FARP1: variants seen among roughly 807,000 people sequenced by gnomAD.
FARP1 encodes the protein FERM, ARH/RhoGEF and pleckstrin domain protein 1, also known as FERM, ARHGEF and pleckstrin domain-containing protein 1.
Under a neutral mutation model 128.8 loss-of-function variants are expected in FARP1, and 52 were observed. The observed-to-expected ratio is 0.40, with a 90% CI of 0.32 to 0.51. FARP1 has a LOEUF of 0.51. FARP1 is among the 20% of genes least tolerant of loss of function. FARP1 has a pLI of 0.45. For synonymous variants in FARP1, 580 were observed against 551.8 expected (o/e 1.05, Z -0.72); for missense variants, 1,333 against 1,367.9 (o/e 0.97, Z 0.40).
At chr13:98,430,560 A>G (rs572039973) in intron 17 of FARP1, among the ~76,000 whole-genome samples, 27 of 152,354 alleles carry the variant, frequency 1.8e-4, no homozygotes, top group African/African-American at 6.5e-4. Flanking sequence ...GACCTAGCAG[A>G]GGAGGGGCTC....
chr13:98,271,943 T>C (rs1884410374), intron 2 of FARP1, among the ~76,000 whole-genome samples: 1 of 152,192 alleles, frequency 6.6e-6, no homozygotes, highest in Admixed American at 6.5e-5. Context: ...TCCTTTGGGT[T>C]TATACCCAGT....
chr13:98,353,456 G>C (rs544459594), intron 3 of FARP1, among the ~76,000 whole-genome samples: 26 of 152,310 alleles, frequency 1.7e-4, no homozygotes, highest in Admixed American at 1.7e-3. Context: ...TCGGCTCACT[G>C]CAACCTCCGC....
rs532924889 is a variant in FARP1 at position 98,312,180 on chromosome 13, G to A, written c.172-31582G>A. 4.6e-3 allele frequency among the ~76,000 whole-genome samples: 556 copies of A among 120,590 alleles called. 7 individuals carry two copies. Among genetic ancestry groups the A allele is most frequent in the African/African-American group, 0.016 (494 of 30,204 alleles). The allele number at this position is 120,590 out of a possible 152,430, so 79.1% of individuals were successfully genotyped here. ...CTTTGAGACGGAGTCTCGCTCTGTC[G>A]CCCAGGCTGGAGTGGAGTGGCGTGA... On this transcript the variant is annotated intron_variant, in intron 2 of 26. Coordinates refer to ENST00000319562, the MANE Select transcript of FARP1 (RefSeq NM_005766.4).
At chr13:98,335,828 GA>G (rs1383070838) in intron 2 of FARP1, among the ~76,000 whole-genome samples, 1 of 152,196 alleles carries the variant, frequency 6.6e-6, no homozygotes, top group Non-Finnish European at 1.5e-5. Context: ...ACAATATTCT[GA>G]TAGGTATCAG....
intron 7 of FARP1, among the ~76,000 whole-genome samples, chr13:98,385,226 T>G (rs1890049665): frequency 6.6e-6 from 1 of 152,240 alleles, no homozygotes; most frequent in African/African-American, 2.4e-5. Context: ...ATTAATATTT[T>G]CAAAGGACTC....
chr13:98,342,191 G>A (rs1888001184), intron 2 of FARP1, among the ~76,000 whole-genome samples: 1 of 152,204 alleles, frequency 6.6e-6, no homozygotes, highest in South Asian at 2.1e-4. Context: ...TGTCATATTT[G>A]TGGACAAGGA....
At chr13:98,256,952 T>TGG (rs1883633629) in intron 2 of FARP1, among the ~76,000 whole-genome samples, 63 of 31,890 alleles carry the variant, frequency 2.0e-3, no homozygotes, top group Admixed American at 3.7e-3. Context: ...TATGTGGATA[T>TGG]ATATATATAT....
chr13:98,455,057 G>C lies in FARP1; in HGVS notation c.*6740G>C, dbSNP rs1893388230. 1 of 152,222 alleles carries C rather than the reference G, an allele frequency of 6.6e-6. No individual in the cohort carries two copies. Among genetic ancestry groups the C allele is most frequent in the South Asian group, 2.1e-4 (1 of 4,832 alleles). 9.4% of individuals were successfully genotyped at this position (152,222 alleles called of 1,614,324 possible). On this transcript the variant is annotated 3_prime_UTR_variant, in exon 27 of 27. Transcript: ENST00000319562. The stretch of plus-strand genomic sequence containing the variant: ...AAATGTGCTGCGTCTGAATGGAGAT[G>C]TGCTAAGTGTAAAACACACACCAAC...
intron 13 of FARP1, chr13:98,396,433 C>T: frequency 2.5e-6 from 1 of 398,464 alleles, no homozygotes; most frequent in East Asian, 3.6e-5. Flanking sequence ...CTTGGGTGGC[C>T]TGCGTTTGAG....
At chr13:98,437,586 A>AT (rs1892326110) in intron 19 of FARP1, among the ~76,000 whole-genome samples, 1 of 152,034 alleles carries the variant, frequency 6.6e-6, no homozygotes, top group African/African-American at 2.4e-5. Context: ...GTGCAGGGTG[A>AT]TAACGCCGCG....
In FARP1 at chr13:98,440,219, C is replaced by T. The variant is rs1892467578; in HGVS notation, c.2613C>T (p.Ser871=). Residue 871 remains serine (S), a synonymous_variant, in exon 23 of 27, where the codon AGC becomes AGT. Coordinates refer to ENST00000319562, the MANE Select transcript of FARP1 (RefSeq NM_005766.4). ...SSSPAPEFLA[S]SPPDNKSPDE... The stretch of plus-strand genomic sequence containing the variant: ...GCCCCGCCCCTGAGTTCCTGGCCAG[C>T]AGCCCCCCTGACAACAGTGAGTGTG... 1 of 1,613,170 alleles carries T rather than the reference C, an allele frequency of 6.2e-7. No homozygotes were observed.
chr13:98,325,010 G>A (rs1157274170), intron 2 of FARP1, among the ~76,000 whole-genome samples: 1 of 152,128 alleles, frequency 6.6e-6, no homozygotes, highest in Admixed American at 6.5e-5. Flanking sequence ...AAATTTCTTG[G>A]CCAAATTGGA....
At chr13:98,224,017 A>G (rs750426631) in intron 2 of FARP1, among the ~76,000 whole-genome samples, 1 of 152,214 alleles carries the variant, frequency 6.6e-6, no homozygotes, top group East Asian at 1.9e-4. Context: ...TCCAGTGGCC[A>G]TTTGTCAGTG....
Position 98,305,124 on chromosome 13 carries a change from T to TTA in FARP1, c.172-38638_172-38637insTA, listed in dbSNP as rs1566855114. Among the ~76,000 whole-genome samples the TTA allele has an allele frequency of 9.3e-5, 14 of 150,536 alleles. No individual in the cohort carries two copies. In the East Asian group the frequency reaches 1.2e-3, roughly 13 times the overall value. On this transcript the variant is annotated intron_variant, in intron 2 of 26. Transcript: ENST00000319562. The stretch of plus-strand genomic sequence containing the variant: ...AATGTGTATATATATATATATTTTT[T>TTA]AATTTATTTATTTTTTATTTTTATT...
intron 2 of FARP1, among the ~76,000 whole-genome samples, chr13:98,273,264 G>A (rs763788924): frequency 1.3e-5 from 2 of 152,176 alleles, no homozygotes; most frequent in South Asian, 2.1e-4. Flanking sequence ...AGATAAGGAC[G>A]TCTGTTAACC....
At chr13:98,296,688 C>CT (rs11420681) in intron 2 of FARP1, among the ~76,000 whole-genome samples, 57,380 of 123,262 alleles carry the variant, frequency 0.47, 14,729 homozygotes, top group East Asian at 0.64. Flanking sequence ...ACTTAATGGC[C>CT]TTTTTTTTTT....
intron 26 of FARP1, chr13:98,447,806 C>G (rs1451814513): frequency 5.8e-6 from 1 of 171,580 alleles, no homozygotes; most frequent in Non-Finnish European, 1.2e-5. Flanking sequence ...AACTGCACCA[C>G]TGAACTCCAG....
intron 2 of FARP1, among the ~76,000 whole-genome samples, chr13:98,253,516 T>C (rs957781838): frequency 1.3e-5 from 2 of 152,222 alleles, no homozygotes; most frequent in Non-Finnish European, 2.9e-5. Context: ...ACTTTTAAAC[T>C]ATGGCCTGGG....
At chr13:98,287,164 A>G (rs812818) in intron 2 of FARP1, among the ~76,000 whole-genome samples, 2,108 of 145,862 alleles carry the variant, frequency 0.014, 52 homozygotes, top group African/African-American at 0.051. Flanking sequence ...CAAAAAGTCA[A>G]TGTCATAGGC....
Sources: allele counts gnomAD v4.1 joint callset (sites outside exome capture counted in the v4.1 genomes callset), GRCh38; gene constraint gnomAD v4.1.1; transcripts MANE v1.5; gene names NCBI Gene and HGNC (gene_info 2026-07-23, HGNC 2026-07-21).